Variants in STRN observed in about 807,000 individuals in gnomAD.
STRN encodes protein phosphatase 2 regulatory subunit B'''alpha.
In STRN, 53 loss-of-function variants were observed where a neutral mutation model predicts 96.3. The observed-to-expected ratio is 0.55, with a 90% CI of 0.44 to 0.69. The LOEUF is 0.69. Ranked by LOEUF, STRN falls within the 30% of genes least tolerant of loss-of-function variation. STRN has a pLI of 0.00. For missense variants in STRN, 987 were observed against 963.9 expected, an observed-to-expected ratio of 1.02 and a Z score of -0.32; for synonymous variants, 428 against 355.9, an observed-to-expected ratio of 1.20 and a Z score of -2.28.
At chr2:36,870,943 T>C (rs932793658) in intron 10 of STRN, among the ~76,000 whole-genome samples, 1 of 152,174 alleles carries the variant, frequency 6.6e-6, no homozygotes, top group Admixed American at 6.5e-5. Flanking sequence ...TTAATATGCG[T>C]ATGTGTATTC....
chr2:36,867,988 G>A (rs756939513), intron 11 of STRN, 127 bp from the exon 12 acceptor site: 21 of 555,040 alleles, frequency 3.8e-5, no homozygotes, highest in Middle Eastern at 8.9e-4. Flanking sequence ...TACACGATAC[G>A]TAAGAAAGCT....
chr2:36,846,438 A>G lies in STRN; in HGVS notation c.*3018T>C, dbSNP rs1283664168. ...ATATATATATATATATAGTTTATAT[A>G]TTATATATATTCTTACAATATATAT... On this transcript the variant is annotated 3_prime_UTR_variant, in exon 18 of 18. Transcript: ENST00000263918. 1 of 121,676 alleles carries G rather than the reference A, an allele frequency of 8.2e-6. No homozygotes were observed. Among genetic ancestry groups the G allele is most frequent in the Non-Finnish European group, 1.7e-5 (1 of 58,594 alleles). 7.5% of individuals were successfully genotyped at this position (121,676 alleles called of 1,614,324 possible).
At chr2:36,927,990 T>C (rs1670460276) in intron 1 of STRN, among the ~76,000 whole-genome samples, 1 of 152,132 alleles carries the variant, frequency 6.6e-6, no homozygotes, top group South Asian at 2.1e-4. Flanking sequence ...GTTAAATAAA[T>C]GAATATAATT....
In STRN at chr2:36,966,388, G is replaced by T; in HGVS notation, c.76C>A (p.Pro26Thr). 6.8e-7 allele frequency: 1 copy of T among 1,462,296 alleles called. No homozygotes were observed. The highest frequency in any genetic ancestry group is 1.3e-5 in the South Asian group (1 of 74,712). 90.6% of individuals were successfully genotyped at this position (1,462,296 alleles called of 1,614,324 possible). Residue 26 changes from proline (P) to threonine (T), a missense_variant, in exon 1 of 18, where the codon CCT becomes ACT. Transcript: ENST00000263918. ...CCGGCCGCGGCAGCCTCCGCCAGAG[G>T]CCCGAGCCCCTTGGCACCGCCGGCG... is the stretch of plus-strand genomic sequence containing the variant. ...PGAGGAKGLG[P>T]LAEAAAAGDG... is the part of the protein sequence containing the mutation.
intron 12 of STRN, chr2:36,867,500 T>C (rs944875289): frequency 5.2e-6 from 1 of 193,378 alleles, no homozygotes; most frequent in Non-Finnish European, 1.0e-5. Context: ...AAGGAGGCAC[T>C]TGAATATTTT....
intron 7 of STRN, among the ~76,000 whole-genome samples, chr2:36,890,633 G>A (rs952290124): frequency 1.3e-5 from 2 of 151,600 alleles, no homozygotes; most frequent in East Asian, 1.9e-4. Flanking sequence ...TCAGGCACCC[G>A]CCCCAATGCC....
chr2:36,839,075 A>C lies in STRN; in HGVS notation c.*10381T>G, dbSNP rs1207533026. ...ATAACTGGGTATACACATTTGTATG[A>C]ATAATTAGAAAGATACATATCAGGG... On this transcript the variant is annotated 3_prime_UTR_variant, in exon 18 of 18. Transcript: ENST00000263918. Among the ~76,000 whole-genome samples the C allele has an allele frequency of 6.6e-6, 1 of 152,232 alleles. No individual in the cohort carries two copies. Among genetic ancestry groups the C allele is most frequent in the African/African-American group, 2.4e-5 (1 of 41,466 alleles).
At chr2:36,964,197 T>C (rs1417447163) in intron 1 of STRN, among the ~76,000 whole-genome samples, 1 of 131,314 alleles carries the variant, frequency 7.6e-6, no homozygotes, top group Admixed American at 7.4e-5. Flanking sequence ...GGGGGAAGGA[T>C]GGGTTGGAAT....
At chr2:36,878,590 G>A (rs1191631107) in intron 9 of STRN, among the ~76,000 whole-genome samples, 1 of 152,146 alleles carries the variant, frequency 6.6e-6, no homozygotes, top group East Asian at 1.9e-4. Context: ...AGGACTTCCA[G>A]GGCCCTGGTA....
intron 6 of STRN, among the ~76,000 whole-genome samples, chr2:36,894,745 G>A (rs186454475): frequency 1.1e-4 from 17 of 152,288 alleles, no homozygotes; most frequent in Non-Finnish European, 2.4e-4. Flanking sequence ...TGTTATCGCT[G>A]GGCTATTGTG....
intron 3 of STRN, among the ~76,000 whole-genome samples, chr2:36,910,338 T>C (rs1256824362): frequency 1.3e-5 from 2 of 152,206 alleles, no homozygotes; most frequent in East Asian, 3.8e-4. Context: ...GGGAATTTTT[T>C]TTCATATTAG....
At position 36,881,937 on chromosome 2, in the gene STRN, T is replaced by C. The variant is rs192550622; in HGVS notation, c.1186+1995A>G. 4.3e-3 allele frequency among the ~76,000 whole-genome samples: 651 copies of C among 152,342 alleles called. 5 individuals carry two copies. Among genetic ancestry groups the C allele is most frequent in the African/African-American group, 0.015 (630 of 41,586 alleles). ...TATAATGTCAACAGAATGCATCTCC[T>C]AGTGATCAACATACCTACTAAGGAC... On this transcript the variant is annotated intron_variant, in intron 9 of 17. Coordinates refer to ENST00000263918, the MANE Select transcript of STRN (RefSeq NM_003162.4).
At chr2:36,894,993 C>T (rs11678303) in intron 6 of STRN, among the ~76,000 whole-genome samples, 7,441 of 152,250 alleles carry the variant, frequency 0.049, 301 homozygotes, top group East Asian at 0.12. Context: ...GCATCATAAA[C>T]AACTCCTATC....
At chr2:36,962,100 A>G (rs181576141) in intron 1 of STRN, among the ~76,000 whole-genome samples, 2 of 152,300 alleles carry the variant, frequency 1.3e-5, no homozygotes, top group Admixed American at 6.5e-5. Context: ...TTTAAGCTTC[A>G]TAAGGGCAAG....
intron 3 of STRN, among the ~76,000 whole-genome samples, chr2:36,908,069 C>A (rs146630904): frequency 9.1e-4 from 138 of 152,342 alleles, no homozygotes; most frequent in African/African-American, 3.0e-3. Context: ...CTTGTTTCCA[C>A]TGACCGCAAA....
chr2:36,920,036 G>GA (rs1338130343), intron 2 of STRN, among the ~76,000 whole-genome samples: 3 of 152,222 alleles, frequency 2.0e-5, no homozygotes, highest in Non-Finnish European at 4.4e-5. Context: ...ATCATGCAAA[G>GA]AAAATCATGT....
intron 1 of STRN, among the ~76,000 whole-genome samples, chr2:36,964,277 T>C (rs940357152): frequency 6.6e-6 from 1 of 151,334 alleles, no homozygotes; most frequent in South Asian, 2.1e-4. Context: ...TTTTTGTTTT[T>C]TTTTTTTTAA....
At chr2:36,942,215 A>G (rs1057441722) in intron 1 of STRN, among the ~76,000 whole-genome samples, 5 of 152,158 alleles carry the variant, frequency 3.3e-5, no homozygotes, top group African/African-American at 1.2e-4. Context: ...GTCTGTAGCT[A>G]TAGCAATCTT....
chr2:36,902,840 T>C lies in STRN; in HGVS notation c.492-89A>G, dbSNP rs1005657453. The C allele has an allele frequency of 1.5e-5, 17 of 1,131,862 alleles. 1 individual carries two copies. The highest frequency in any genetic ancestry group is 9.3e-5 in the Admixed American group (4 of 42,908). The allele number at this position is 1,131,862 out of a possible 1,614,324, so 70.1% of individuals were successfully genotyped here. On this transcript the variant is annotated intron_variant, in intron 4 of 17. Transcript: ENST00000263918. ...AAATAAAAGTATTTATTTAAACTCA[T>C]TGCCTGCATAAGACTTAACAGTACA...
Sources: allele counts gnomAD v4.1 joint callset (sites outside exome capture counted in the v4.1 genomes callset), GRCh38; gene constraint gnomAD v4.1.1; transcripts MANE v1.5; gene names NCBI Gene and HGNC (gene_info 2026-07-23, HGNC 2026-07-21).